The following TCF7L1 variants were observed in gnomAD, a reference collection of about 807,000 sequenced individuals.
TCF7L1 encodes transcription factor 7 like 1.
TCF7L1 carries 18 observed loss-of-function variants against 63.7 expected under a neutral mutation model. The ratio of observed to expected loss-of-function variants is 0.28; its 90% CI spans 0.20 to 0.42. TCF7L1 has a LOEUF of 0.42. Among genes scored for constraint, TCF7L1 ranks in the 10% least tolerant of loss-of-function variants. The pLI, the probability that TCF7L1 is intolerant of heterozygous loss-of-function variation, is 1.00. For missense variants in TCF7L1, 654 were observed against 779.3 expected (o/e 0.84, Z 1.91); for synonymous variants, 355 against 340.9 (o/e 1.04, Z -0.46).
chr2:85,307,788 C>T, intron 11 of TCF7L1, 71 bp downstream of exon 11: 1 of 1,417,866 alleles, frequency 7.1e-7, no homozygotes, highest in Non-Finnish European at 1.0e-6. Flanking sequence ...CATGCTGTCT[C>T]TAGCTCCCTG....
intron 3 of TCF7L1, among the ~76,000 whole-genome samples, chr2:85,149,587 C>T (rs1285126406): frequency 6.6e-6 from 1 of 152,032 alleles, no homozygotes; most frequent in African/African-American, 2.4e-5. Context: ...GTCAGTGGCG[C>T]CATCTCAGCT....
At chr2:85,240,638 C>G (rs1649018150) in intron 3 of TCF7L1, among the ~76,000 whole-genome samples, 1 of 150,400 alleles carries the variant, frequency 6.6e-6, no homozygotes, top group South Asian at 2.1e-4. Context: ...AAAAAATTAG[C>G]TGGACATGGT....
intron 3 of TCF7L1, among the ~76,000 whole-genome samples, chr2:85,212,583 A>G (rs1679592292): frequency 6.6e-6 from 1 of 152,160 alleles, no homozygotes; most frequent in African/African-American, 2.4e-5. Flanking sequence ...CTGAACTGCG[A>G]GAGGGAAGAG....
chr2:85,154,842 A>G (rs1194262862), intron 3 of TCF7L1, among the ~76,000 whole-genome samples: 5 of 151,242 alleles, frequency 3.3e-5, no homozygotes, highest in Non-Finnish European at 7.4e-5. Context: ...TTTTTGAGAC[A>G]GTTTTGTTCT....
chr2:85,284,652 G>A (rs1009758360), intron 4 of TCF7L1, among the ~76,000 whole-genome samples: 2 of 152,186 alleles, frequency 1.3e-5, no homozygotes, highest in Non-Finnish European at 2.9e-5. Context: ...TGTACAGTGA[G>A]CCTCAGAATC....
At chr2:85,183,670 G>A (rs542060341) in intron 3 of TCF7L1, among the ~76,000 whole-genome samples, 2 of 152,172 alleles carry the variant, frequency 1.3e-5, no homozygotes, top group Non-Finnish European at 2.9e-5. Context: ...TGTCTGTGCC[G>A]AGCATTCTGG....
At position 85,309,609 on chromosome 2, in the gene TCF7L1, G is replaced by A. The variant is rs1046205559; in HGVS notation, c.*147G>A. On this transcript the variant is annotated 3_prime_UTR_variant, in exon 12 of 12. Transcript: ENST00000282111. ...TGGTAACAACAGCACTTTACAGTTT[G>A]TAGATGTAACCAGTAGCTGATCTTA... 3 of 689,924 alleles carry A rather than the reference G, an allele frequency of 4.3e-6. No individual in the cohort carries two copies. The highest frequency in any genetic ancestry group is 6.5e-6 in the Non-Finnish European group (3 of 459,388). 42.7% of individuals were successfully genotyped at this position (689,924 alleles called of 1,614,324 possible).
chr2:85,303,863 G>A lies in TCF7L1; in HGVS notation c.659-32G>A, dbSNP rs199708839. 1.8e-3 allele frequency: 2,738 copies of A among 1,527,394 alleles called. 2 individuals are homozygous for A. Among genetic ancestry groups the A allele is most frequent in the Non-Finnish European group, 2.3e-3 (2,551 of 1,109,376 alleles). 94.6% of individuals were successfully genotyped at this position (1,527,394 alleles called of 1,614,324 possible). ...GTTAAGGTGCTCTGGCAGGGCGAGGGAACAGTCTGACATATCTCTCTTTGG... is the reference window on the plus strand; with the variant it reads ...GTTAAGGTGCTCTGGCAGGGCGAGGAAACAGTCTGACATATCTCTCTTTGG... On this transcript the variant is annotated intron_variant, in intron 5 of 11. Coordinates refer to ENST00000282111, the MANE Select transcript of TCF7L1 (RefSeq NM_031283.3).
rs759979439 is a variant in TCF7L1, at chr2:85,309,438, C to T, written c.1743C>T (p.Ser581=). 1.3e-6 allele frequency: 2 copies of T among 1,540,490 alleles called. No individual in the cohort carries two copies. Among genetic ancestry groups the T allele is most frequent in the Admixed American group, 4.0e-5 (2 of 49,944 alleles). The part of the protein sequence containing the change: ...ALPVLQAQPL[S]LVTKSAH ...CGGTGCTACAGGCCCAGCCTCTTTC[C>T]CTGGTCACCAAGTCTGCCCACTAAG... is the stretch of plus-strand genomic sequence containing the variant. Residue 581 remains serine (S), a synonymous_variant, in exon 12 of 12, where the codon TCC becomes TCT. Coordinates refer to ENST00000282111, the MANE Select transcript of TCF7L1 (RefSeq NM_031283.3).
intron 3 of TCF7L1, among the ~76,000 whole-genome samples, chr2:85,208,986 T>C (rs1679481864): frequency 6.6e-6 from 1 of 152,120 alleles, no homozygotes; most frequent in African/African-American, 2.4e-5. Flanking sequence ...TTTACAGGAG[T>C]CATAGAATAA....
intron 3 of TCF7L1, among the ~76,000 whole-genome samples, chr2:85,272,034 C>A (rs541525949): frequency 6.6e-6 from 1 of 152,200 alleles, no homozygotes; most frequent in African/African-American, 2.4e-5. Context: ...TTGCAGCCCA[C>A]TACCACCCCT....
At chr2:85,197,884 G>A (rs1679193601) in intron 3 of TCF7L1, among the ~76,000 whole-genome samples, 1 of 152,192 alleles carries the variant, frequency 6.6e-6, no homozygotes, top group African/African-American at 2.4e-5. Context: ...AAGAGAGTCT[G>A]CCTGTGGCCT....
At chr2:85,305,805 T>C (rs1011001460) in intron 8 of TCF7L1, among the ~76,000 whole-genome samples, 2 of 151,988 alleles carry the variant, frequency 1.3e-5, no homozygotes, top group African/African-American at 4.8e-5. Context: ...CCGTGTACCA[T>C]AAAGATGGCA....
chr2:85,231,327 C>G (rs989348711), intron 3 of TCF7L1, among the ~76,000 whole-genome samples: 8 of 152,274 alleles, frequency 5.3e-5, no homozygotes, highest in African/African-American at 1.9e-4. Context: ...TCTAGAAGAC[C>G]TAAGAACCAC....
intron 3 of TCF7L1, among the ~76,000 whole-genome samples, chr2:85,159,246 C>T (rs1678225382): frequency 1.3e-5 from 2 of 152,228 alleles, no homozygotes; most frequent in African/African-American, 2.4e-5. Context: ...CTAGGGTTTA[C>T]AGACCACCCC....
Position 85,309,667 on chromosome 2 carries a change from A to T in TCF7L1, c.*205A>T, listed in dbSNP as rs966902421. On this transcript the variant is annotated 3_prime_UTR_variant, in exon 12 of 12. Transcript: ENST00000282111. Reference sequence around the variant, plus strand: ...TTTAAAAAACAAAACAAAACAACAAAAAAAAATCTTTATAAGAAAGAGAAC... The same window carrying T: ...TTTAAAAAACAAAACAAAACAACAATAAAAAATCTTTATAAGAAAGAGAAC... 1 of 480,662 alleles carries T rather than the reference A, an allele frequency of 2.1e-6. No homozygotes were observed. The highest frequency in any genetic ancestry group is 5.7e-5 in the South Asian group (1 of 17,546). The allele number at this position is 480,662 out of a possible 1,614,324, so 29.8% of individuals were successfully genotyped here.
chr2:85,288,332 C>CT (rs1681609897), intron 4 of TCF7L1, among the ~76,000 whole-genome samples: 2 of 152,104 alleles, frequency 1.3e-5, no homozygotes, highest in African/African-American at 4.8e-5. Context: ...CAGCCAGAGT[C>CT]GAGGATCATT....
intron 3 of TCF7L1, among the ~76,000 whole-genome samples, chr2:85,255,074 A>G (rs978597394): frequency 6.6e-6 from 1 of 152,256 alleles, no homozygotes; most frequent in Non-Finnish European, 1.5e-5. Context: ...CGCCCTTCTG[A>G]TGATGCGCCC....
chr2:85,222,193 T>C (rs1054705967), intron 3 of TCF7L1, among the ~76,000 whole-genome samples: 10 of 151,750 alleles, frequency 6.6e-5, no homozygotes, highest in African/African-American at 2.4e-4. Context: ...AATACAAAAT[T>C]AAGCGGGCGT....
Sources: gnomAD v4.1 joint callset for allele counts (sites outside exome capture counted in the v4.1 genomes callset) on GRCh38, gnomAD v4.1.1 for gene constraint, MANE v1.5 for transcripts, NCBI Gene and HGNC (gene_info 2026-07-23, HGNC 2026-07-21) for gene names.